PUDP: variants seen among roughly 807,000 people sequenced by gnomAD.
PUDP encodes pseudouridine 5'-phosphatase.
PUDP carries 8 observed loss-of-function variants against 9.4 expected under a neutral mutation model. That is an observed-to-expected ratio of 0.85 (90% CI 0.50 to 1.53). The LOEUF is 1.53. Among genes scored for constraint, PUDP ranks in the 40% most tolerant of loss-of-function variants. The pLI, the probability that PUDP is intolerant of heterozygous loss-of-function variation, is 0.00. For synonymous variants in PUDP, 99 were observed against 80.7 expected (o/e 1.23, Z -1.22); for missense variants, 188 against 189.7 (o/e 0.99, Z 0.05).
intron 3 of PUDP, among the ~76,000 whole-genome samples, chrX:6,784,955 G>T (rs1423401691): frequency 8.9e-6 from 1 of 112,179 alleles, no homozygotes; most frequent in Non-Finnish European, 1.9e-5. Flanking sequence ...TTCAGGGAAA[G>T]AATTAAAGGC....
intron 3 of PUDP, among the ~76,000 whole-genome samples, chrX:6,816,391 TGTATA>T (rs1364267833): frequency 9.6e-6 from 1 of 104,067 alleles, no homozygotes; most frequent in African/African-American, 3.4e-5. Context: ...AGATAGTATA[TGTATA>T]GTATATGTAC....
At chrX:6,987,893 A>G (rs979185916) in intron 1 of PUDP, among the ~76,000 whole-genome samples, 8 of 106,642 alleles carry the variant, frequency 7.5e-5, no homozygotes, top group Non-Finnish European at 1.2e-4. Flanking sequence ...GTCTGGTCAT[A>G]TGTGATTTCA....
intron 3 of PUDP, among the ~76,000 whole-genome samples, chrX:6,767,040 T>C (rs1925293722): frequency 8.8e-6 from 1 of 113,022 alleles, no homozygotes; most frequent in African/African-American, 3.2e-5. Flanking sequence ...CTGTAAGAAG[T>C]GATGGCAAGT....
At chrX:6,985,473 A>T (rs1929091448) in intron 1 of PUDP, among the ~76,000 whole-genome samples, 1 of 110,435 alleles carries the variant, frequency 9.1e-6, no homozygotes, top group African/African-American at 3.3e-5. Flanking sequence ...GAGTTTCTTC[A>T]GACCCCTAAT....
At chrX:6,922,764 T>C (rs767482321) in intron 3 of PUDP, among the ~76,000 whole-genome samples, 1 of 112,159 alleles carries the variant, frequency 8.9e-6, no homozygotes, top group East Asian at 2.8e-4. Flanking sequence ...GGCAATGTCA[T>C]CTCTGCCTCT....
intron 1 of PUDP, among the ~76,000 whole-genome samples, chrX:7,146,991 A>T (rs1341119363): frequency 1.8e-5 from 2 of 110,705 alleles, no homozygotes; most frequent in East Asian, 5.7e-4. Flanking sequence ...CCTCCTGGTG[A>T]TTATGTGTCA....
At chrX:7,033,029 A>C (rs777354190) in intron 1 of PUDP, among the ~76,000 whole-genome samples, 2 of 111,637 alleles carry the variant, frequency 1.8e-5, no homozygotes, top group Non-Finnish European at 3.8e-5. Flanking sequence ...TGCACCATCT[A>C]ATCAGCTGCC....
intron 2 of PUDP, chrX:7,084,715 T>C (rs1931212835): frequency 9.0e-6 from 1 of 110,806 alleles, no homozygotes; most frequent in Non-Finnish European, 1.9e-5. Flanking sequence ...TTTGGCTATG[T>C]GAAAATCACT....
intron 1 of PUDP, among the ~76,000 whole-genome samples, chrX:7,123,081 T>C (rs1271429845): frequency 1.8e-5 from 2 of 112,130 alleles, no homozygotes; most frequent in African/African-American, 6.5e-5. Context: ...TACCTTAAAA[T>C]GAGATAAAGG....
chrX:6,814,211 A>G lies in PUDP; in HGVS notation c.*248-107745T>C, dbSNP rs1926189957. On this transcript the variant is annotated intron_variant and NMD_transcript_variant, in intron 3 of 3. Transcript: ENST00000655425. ...TACTGAATGTCCCAATGACTTCCTCATTTGTGAACTATCCTGGCACCCAGT... is the reference window on the plus strand; with the variant it reads ...TACTGAATGTCCCAATGACTTCCTCGTTTGTGAACTATCCTGGCACCCAGT... Among the ~76,000 whole-genome samples the G allele has an allele frequency of 2.7e-5, 3 of 111,458 alleles. No homozygotes were observed. In the South Asian group the frequency reaches 1.1e-3, roughly 43 times the overall value.
At chrX:7,038,063 T>G (rs1216641326) in intron 1 of PUDP, among the ~76,000 whole-genome samples, 2 of 112,598 alleles carry the variant, frequency 1.8e-5, no homozygotes, top group Non-Finnish European at 3.8e-5. Context: ...ATTAGATTGC[T>G]TATATAGACA....
At position 7,106,289 on chromosome X, in the gene PUDP, C is replaced by T. The variant is rs566028378; in HGVS notation, c.62-451G>A. On this transcript the variant is annotated intron_variant, in intron 1 of 3. Coordinates refer to ENST00000381077, the MANE Select transcript of PUDP (RefSeq NM_012080.5). ...CACTGCCCAGTGGGATGAATCCCCA[C>T]CATGCCTGGCCAGGATGCTGCTGTG... Among the ~76,000 whole-genome samples, 31 of 112,389 alleles carry T rather than the reference C, an allele frequency of 2.8e-4. No individual in the cohort carries two copies. The South Asian group carries it at 0.011, about 41-fold the overall frequency.
chrX:7,123,187 A>C (rs1932391078), intron 1 of PUDP, among the ~76,000 whole-genome samples: 1 of 112,737 alleles, frequency 8.9e-6, no homozygotes, highest in Non-Finnish European at 1.9e-5. Context: ...AGACAGTATA[A>C]ACGTTATGTT....
chrX:6,955,020 T>C (rs1928606965), intron 3 of PUDP, among the ~76,000 whole-genome samples: 1 of 111,534 alleles, frequency 9.0e-6, no homozygotes, highest in African/African-American at 3.3e-5. Context: ...ATGACCAGCC[T>C]CCTACCTGAC....
intron 3 of PUDP, among the ~76,000 whole-genome samples, chrX:6,791,120 C>T (rs760968352): frequency 2.7e-5 from 3 of 109,966 alleles, no homozygotes; most frequent in Non-Finnish European, 5.7e-5. Context: ...CTTTGGGAGG[C>T]CAAAGTGGAA....
chrX:6,707,702 G>A (rs982008684), intron 1 of PUDP, among the ~76,000 whole-genome samples: 1 of 111,497 alleles, frequency 9.0e-6, no homozygotes, highest in African/African-American at 3.3e-5. Context: ...TAAATGCACA[G>A]GAAACTTCCC....
chrX:7,039,080 C>T (rs777943024), intron 1 of PUDP, among the ~76,000 whole-genome samples: 71 of 110,678 alleles, frequency 6.4e-4, no homozygotes, highest in Admixed American at 6.3e-3. Flanking sequence ...CAGGTGTTTG[C>T]CACCATGCCC....
intron 3 of PUDP, among the ~76,000 whole-genome samples, chrX:6,951,473 C>T (rs1928558956): frequency 8.9e-6 from 1 of 111,969 alleles, no homozygotes; most frequent in East Asian, 2.8e-4. Flanking sequence ...GACTCCAGCA[C>T]CATATTTTGC....
At chrX:7,075,249 G>A in intron 3 of PUDP, among the ~76,000 whole-genome samples, 1 of 112,363 alleles carries the variant, frequency 8.9e-6, no homozygotes, top group Non-Finnish European at 1.9e-5. Flanking sequence ...GCTCACGCCT[G>A]TAATCCCAGC....
Sources: allele counts gnomAD v4.1 joint callset (sites outside exome capture counted in the v4.1 genomes callset), GRCh38; gene constraint gnomAD v4.1.1; transcripts MANE v1.5; gene names NCBI Gene and HGNC (gene_info 2026-07-23, HGNC 2026-07-21).